FERMT2: variants seen among roughly 807,000 people sequenced by gnomAD.
The protein encoded by FERMT2 is fermitin family homolog 2.
Under a neutral mutation model 82.7 loss-of-function variants are expected in FERMT2, and 15 were observed. The observed-to-expected ratio is 0.18, with a 90% CI of 0.12 to 0.28. The LOEUF (loss-of-function observed/expected upper bound fraction) is 0.28, where lower values mean the gene tolerates loss of function less well. Among genes scored for constraint, FERMT2 ranks in the 10% least tolerant of loss-of-function variants. FERMT2 has a pLI of 1.00. For missense variants in FERMT2, 645 were observed against 809.4 expected (o/e 0.80, Z 2.46); for synonymous variants, 274 against 271.5 (o/e 1.01, Z -0.09).
chr14:52,901,327 C>T (rs1436876424), intron 3 of FERMT2, among the ~76,000 whole-genome samples: 1 of 148,810 alleles, frequency 6.7e-6, no homozygotes, highest in Non-Finnish European at 1.5e-5. Flanking sequence ...TAGGAACAGC[C>T]AGCCAATGAT....
At chr14:52,874,836 G>A (rs1378216749) in intron 8 of FERMT2, among the ~76,000 whole-genome samples, 1 of 152,128 alleles carries the variant, frequency 6.6e-6, no homozygotes, top group Non-Finnish European at 1.5e-5. Flanking sequence ...CGGGAGCACT[G>A]CTTAAGGCCA....
At chr14:52,868,823 C>T (rs1363113308) in intron 10 of FERMT2, among the ~76,000 whole-genome samples, 2 of 152,076 alleles carry the variant, frequency 1.3e-5, no homozygotes, top group South Asian at 4.1e-4. Context: ...AACGAAACAA[C>T]AAAAATCATA....
At chr14:52,886,919 A>G (rs1012097585) in intron 4 of FERMT2, among the ~76,000 whole-genome samples, 17 of 152,184 alleles carry the variant, frequency 1.1e-4, no homozygotes, top group African/African-American at 3.9e-4. Context: ...GACTGTATTC[A>G]TGTATAAATT....
intron 3 of FERMT2, among the ~76,000 whole-genome samples, chr14:52,917,640 T>C (rs1400342588): frequency 6.6e-6 from 1 of 152,112 alleles, no homozygotes; most frequent in Non-Finnish European, 1.5e-5. Flanking sequence ...GCAAAAGATA[T>C]TTAAAAATTG....
rs1360844957 is a variant in FERMT2 at position 52,858,545 on chromosome 14, G to A, written c.1875C>T (p.Thr625=). Reference sequence around the variant, plus strand: ...ATCGTACTTCATCTGCAAACTCTACGGTGACCTGGAACAAAGACAAGAGCC... The same window carrying A: ...ATCGTACTTCATCTGCAAACTCTACAGTGACCTGGAACAAAGACAAGAGCC... ...WNVNWEIKMV[T]VEFADEVRLS... is the part of the protein sequence containing the mutation. Residue 625 remains threonine, a synonymous_variant, in exon 15 of 15, where the codon ACC becomes ACT. Coordinates refer to ENST00000341590, the MANE Select transcript of FERMT2 (RefSeq NM_006832.3). 21 of 1,613,724 alleles carry A rather than the reference G, an allele frequency of 1.3e-5. No homozygotes were observed. Among genetic ancestry groups the A allele is most frequent in the Middle Eastern group, 1.6e-4 (1 of 6,084 alleles).
intron 2 of FERMT2, chr14:52,948,545 C>T (rs1397980159): frequency 2.2e-6 from 1 of 455,288 alleles, no homozygotes; most frequent in Admixed American, 2.4e-5. Context: ...GGTTTCCATA[C>T]GCACAGCATT....
At chr14:52,950,315 G>T in intron 2 of FERMT2, 97 bp downstream of exon 2, 1 of 1,281,510 alleles carries the variant, frequency 7.8e-7, no homozygotes, top group South Asian at 1.4e-5. Flanking sequence ...GAGATGCCAA[G>T]ATTTCTCAAA....
At chr14:52,945,945 C>A (rs959676675) in intron 2 of FERMT2, among the ~76,000 whole-genome samples, 1 of 152,202 alleles carries the variant, frequency 6.6e-6, no homozygotes, top group African/African-American at 2.4e-5. Context: ...GGCACTATCT[C>A]GGCTCATTGC....
intron 9 of FERMT2, 62 bp downstream of exon 9, chr14:52,874,115 T>C: frequency 9.3e-7 from 1 of 1,079,426 alleles, no homozygotes; most frequent in South Asian, 1.6e-5. Context: ...GTTTCAATAA[T>C]GTGACCATGA....
intron 10 of FERMT2, among the ~76,000 whole-genome samples, chr14:52,870,440 G>T (rs1336411279): frequency 6.6e-6 from 1 of 151,934 alleles, no homozygotes; most frequent in Non-Finnish European, 1.5e-5. Context: ...GTAGAGACGG[G>T]GTTTCTCCAT....
chr14:52,872,464 G>A (rs754351436), intron 10 of FERMT2, among the ~76,000 whole-genome samples: 3 of 152,128 alleles, frequency 2.0e-5, no homozygotes, highest in Non-Finnish European at 4.4e-5. Context: ...AACCCGGGAG[G>A]CAGAAGTAAC....
At chr14:52,860,632 G>T in intron 12 of FERMT2, 167 bp from the exon 13 acceptor site, 1 of 621,766 alleles carries the variant, frequency 1.6e-6, no homozygotes, top group Non-Finnish European at 2.7e-6. Flanking sequence ...ATAATGTAAT[G>T]TATAAGGATT....
intron 2 of FERMT2, among the ~76,000 whole-genome samples, chr14:52,929,149 TTA>T (rs1378586855): frequency 6.6e-6 from 1 of 152,172 alleles, no homozygotes; most frequent in Non-Finnish European, 1.5e-5. Flanking sequence ...CCTACTCTTA[TTA>T]TACTAACTAG....
At chr14:52,946,685 C>CT (rs201455190) in intron 2 of FERMT2, among the ~76,000 whole-genome samples, 1,934 of 147,184 alleles carry the variant, frequency 0.013, 54 homozygotes, top group East Asian at 0.075. Context: ...TTTCACAATT[C>CT]TTTTTTTTTT....
intron 3 of FERMT2, among the ~76,000 whole-genome samples, chr14:52,911,110 A>C (rs117624228): frequency 5.8e-4 from 88 of 152,318 alleles, no homozygotes; most frequent in Non-Finnish European, 1.0e-3. Flanking sequence ...CGGGGTTGGC[A>C]AACTTTTTCT....
intron 2 of FERMT2, among the ~76,000 whole-genome samples, chr14:52,930,727 T>A (rs1440943912): frequency 6.6e-6 from 1 of 152,164 alleles, no homozygotes; most frequent in Non-Finnish European, 1.5e-5. Flanking sequence ...ATAGAAGAGT[T>A]TTTAACTTGC....
At chr14:52,913,039 CTTTCT>C (rs1460279483) in intron 3 of FERMT2, among the ~76,000 whole-genome samples, 1 of 152,118 alleles carries the variant, frequency 6.6e-6, no homozygotes, top group Non-Finnish European at 1.5e-5. Context: ...TGAAAGATAG[CTTTCT>C]TTTCTTGTTT....
chr14:52,925,927 A>G (rs1407516228), intron 2 of FERMT2, among the ~76,000 whole-genome samples: 1 of 152,148 alleles, frequency 6.6e-6, no homozygotes, highest in African/African-American at 2.4e-5. Flanking sequence ...TACAGGCATG[A>G]GCCACCGCGC....
intron 4 of FERMT2, among the ~76,000 whole-genome samples, chr14:52,889,971 A>T (rs1490425627): frequency 6.6e-6 from 1 of 151,982 alleles, no homozygotes; most frequent in Non-Finnish European, 1.5e-5. Context: ...TCTACTAAAA[A>T]TACAAAAATT....
Sources: gnomAD v4.1 joint callset for allele counts (sites outside exome capture counted in the v4.1 genomes callset) on GRCh38, gnomAD v4.1.1 for gene constraint, MANE v1.5 for transcripts, NCBI Gene and HGNC (gene_info 2026-07-23, HGNC 2026-07-21) for gene names.